Variants in GPHN observed in about 807,000 individuals in gnomAD.
GPHN encodes the protein gephyrin.
In GPHN, 17 loss-of-function variants were observed where a neutral mutation model predicts 95.5. That is an observed-to-expected ratio of 0.18 (90% CI 0.12 to 0.27). The LOEUF is 0.27. Among genes scored for constraint, GPHN ranks in the 10% least tolerant of loss-of-function variants. GPHN has a pLI of 1.00. For missense variants in GPHN, 660 were observed against 978.1 expected (o/e 0.67, Z 4.34); for synonymous variants, 320 against 322.5 (o/e 0.99, Z 0.08).
chr14:67,504,349 G>A, the GPHN span, among the ~76,000 whole-genome samples: 8 of 152,274 alleles, frequency 5.3e-5, no homozygotes, highest in Admixed American at 2.0e-4. Context: ...ATATAAGTAC[G>A]TTCCTCATGA....
intron 12 of GPHN, among the ~76,000 whole-genome samples, chr14:67,095,648 A>C (rs527992809): frequency 7.7e-4 from 117 of 152,236 alleles, no homozygotes; most frequent in Non-Finnish European, 1.4e-3. Context: ...ATGAAATTGG[A>C]AATCATCATT....
At chr14:66,792,643 G>T (rs953117317) in intron 3 of GPHN, among the ~76,000 whole-genome samples, 1 of 152,180 alleles carries the variant, frequency 6.6e-6, no homozygotes, top group Non-Finnish European at 1.5e-5. Flanking sequence ...ACCAGAGATA[G>T]TGAGTCAAAT....
At position 66,687,575 on chromosome 14, in the gene GPHN, C is replaced by T. The variant is rs539024520; in HGVS notation, c.143+6390C>T. ...ACAATCTCGGCTCACCGCAACCTCT[C>T]GCCTCCTGGGTTCAAGCGGTTCTCC... On this transcript the variant is annotated intron_variant, in intron 2 of 22. Transcript: ENST00000478722. Among the ~76,000 whole-genome samples, 31 of 147,466 alleles carry T rather than the reference C, an allele frequency of 2.1e-4. No individual in the cohort carries two copies. The South Asian group carries it at 6.1e-3, about 29-fold the overall frequency.
At chr14:67,057,015 T>C (rs1159032261) in intron 10 of GPHN, among the ~76,000 whole-genome samples, 2 of 151,904 alleles carry the variant, frequency 1.3e-5, no homozygotes, top group African/African-American at 4.8e-5. Flanking sequence ...GAACTCGTGC[T>C]GGCCCGCAAG....
intron 8 of GPHN, among the ~76,000 whole-genome samples, chr14:66,959,705 C>T (rs1277646353): frequency 1.3e-5 from 2 of 151,976 alleles, no homozygotes; most frequent in Non-Finnish European, 2.9e-5. Flanking sequence ...AATGTATCTT[C>T]GTGTCAGTCT....
intron 1 of GPHN, among the ~76,000 whole-genome samples, chr14:66,574,244 T>G (rs1008920500): frequency 7.2e-5 from 11 of 152,226 alleles, no homozygotes; most frequent in Non-Finnish European, 1.5e-4. Flanking sequence ...TATTTTTAGC[T>G]GATAATTGAT....
chr14:67,329,937 C>T, the GPHN span, among the ~76,000 whole-genome samples: 1 of 150,404 alleles, frequency 6.6e-6, no homozygotes, highest in East Asian at 1.9e-4. Context: ...TGTAACCAAC[C>T]AGTTATGTAA....
At chr14:66,544,707 C>A (rs1426926627) in intron 1 of GPHN, among the ~76,000 whole-genome samples, 1 of 151,872 alleles carries the variant, frequency 6.6e-6, no homozygotes, top group Admixed American at 6.6e-5. Flanking sequence ...ACAAAGGTCT[C>A]TGGTTTTCCT....
intron 9 of GPHN, among the ~76,000 whole-genome samples, chr14:66,991,194 A>G (rs1295406006): frequency 2.6e-5 from 4 of 152,104 alleles, no homozygotes; most frequent in Non-Finnish European, 4.4e-5. Context: ...ATATCATTCA[A>G]AGCAGAAGTA....
At chr14:66,612,659 C>G (rs142466921) in intron 1 of GPHN, among the ~76,000 whole-genome samples, 5 of 152,048 alleles carry the variant, frequency 3.3e-5, no homozygotes, top group Non-Finnish European at 5.9e-5. Context: ...AACCCAATCC[C>G]CCTTTCAAAG....
At chr14:66,722,686 C>G (rs1595691473) in intron 2 of GPHN, among the ~76,000 whole-genome samples, 1 of 152,002 alleles carries the variant, frequency 6.6e-6, no homozygotes. Context: ...CAAGTGATCC[C>G]CCCACCTCTA....
chr14:67,620,081 A>G, the GPHN span: 1 of 1,604,148 alleles, frequency 6.2e-7, no homozygotes, highest in South Asian at 1.1e-5. Flanking sequence ...CCGTTCTCAC[A>G]AGGGCAGGTG....
the GPHN span, chr14:67,559,611 C>G: frequency 1.9e-6 from 3 of 1,587,214 alleles, no homozygotes; most frequent in African/African-American, 1.3e-5. Context: ...CTTGCAGAAG[C>G]AGATGAGGGC....
Position 66,941,890 on chromosome 14 carries a change from A to T in GPHN, c.828+17598A>T, listed in dbSNP as rs1449845199. ...TACTTGATTATTAAGGGCTGTAAAT[A>T]GTTCAAAATCAGTTTCCATGAATCT... On this transcript the variant is annotated intron_variant, in intron 8 of 22. Transcript: ENST00000478722. 2.6e-5 allele frequency among the ~76,000 whole-genome samples: 4 copies of T among 152,204 alleles called. No homozygotes were observed. In the East Asian group the frequency reaches 7.7e-4, roughly 29 times the overall value.
rs550768675 is a variant in GPHN, at chr14:66,841,847, C to T, written c.294+17281C>T. Among the ~76,000 whole-genome samples, 108 of 152,006 alleles carry T rather than the reference C, an allele frequency of 7.1e-4. 5 individuals carry two copies. Among genetic ancestry groups the T allele is most frequent in the Admixed American group, 2.0e-4 (3 of 15,258 alleles). On this transcript the variant is annotated intron_variant, in intron 4 of 22. Transcript: ENST00000478722. ...CATAAAGTCAGGAGTTCAAGACCAG[C>T]CTGGACAACCGGGTGAAACCCTGTC...
chr14:66,772,408 G>A (rs1386785053), intron 2 of GPHN, among the ~76,000 whole-genome samples: 1 of 152,152 alleles, frequency 6.6e-6, no homozygotes, highest in Non-Finnish European at 1.5e-5. Context: ...TGTTACTCCT[G>A]TGAATAAGTT....
chr14:67,278,377 C>G, the GPHN span, among the ~76,000 whole-genome samples: 1 of 150,466 alleles, frequency 6.6e-6, no homozygotes, highest in Non-Finnish European at 1.5e-5. Flanking sequence ...GTTATAAAGA[C>G]TGATAACCCA....
chr14:66,697,389 G>C (rs2068169757), intron 2 of GPHN, among the ~76,000 whole-genome samples: 1 of 152,132 alleles, frequency 6.6e-6, no homozygotes, highest in African/African-American at 2.4e-5. Context: ...GAAAGCCAAT[G>C]GGAAAAGTAT....
At chr14:66,726,853 T>TTTCAAGCA (rs1264282994) in intron 2 of GPHN, among the ~76,000 whole-genome samples, 4 of 152,226 alleles carry the variant, frequency 2.6e-5, no homozygotes, top group Non-Finnish European at 4.4e-5. Flanking sequence ...CAAAACTTTA[T>TTTCAAGCA]TTCAAGCACA....
Sources: gnomAD v4.1 joint callset for allele counts (sites outside exome capture counted in the v4.1 genomes callset) on GRCh38, gnomAD v4.1.1 for gene constraint, MANE v1.5 for transcripts, NCBI Gene and HGNC (gene_info 2026-07-23, HGNC 2026-07-21) for gene names.